Variants in C11orf24 observed in about 807,000 individuals in gnomAD.
C11orf24 encodes chromosome 11 open reading frame 24.
In C11orf24, 5 loss-of-function variants were observed where a neutral mutation model predicts 7.3. The ratio of observed to expected loss-of-function variants is 0.69; its 90% CI spans 0.36 to 1.45. The LOEUF is 1.45. Among genes scored for constraint, C11orf24 ranks in the 40% most tolerant of loss-of-function variants. The pLI is 0.03. For missense variants in C11orf24, 566 were observed against 590.5 expected (o/e 0.96, Z 0.43); for synonymous variants, 233 against 235.7 (o/e 0.99, Z 0.11).
At chr11:68,270,786 C>A (rs781328495) in intron 1 of C11orf24, among the ~76,000 whole-genome samples, 6 of 152,236 alleles carry the variant, frequency 3.9e-5, no homozygotes, top group Middle Eastern at 3.4e-3. Flanking sequence ...GGAGTAGGAA[C>A]TGCAAACACA....
Position 68,262,075 on chromosome 11 carries a change from G to A in C11orf24, c.920C>T (p.Pro307Leu). ...AGGGATTGGGCTGGTGTGAGGTACT[G>A]GCACTGGGCTGGCAGTTGGCTCCCT... is the stretch of plus-strand genomic sequence containing the variant. ...QAREPTASPV[P>L]VPHTSPIPEM... Residue 307 changes from proline to leucine, a missense_variant, in exon 4 of 4, where the codon CCA becomes CTA. Pro to Leu is a moderately conservative substitution (Grantham distance 98). Coordinates refer to ENST00000304271, the MANE Select transcript of C11orf24 (RefSeq NM_022338.4). 3 of 1,614,008 alleles carry A rather than the reference G, an allele frequency of 1.9e-6. No individual in the cohort carries two copies. The highest frequency in any genetic ancestry group is 2.5e-6 in the Non-Finnish European group (3 of 1,180,008).
chr11:68,271,463 G>C (rs532563421), intron 1 of C11orf24, among the ~76,000 whole-genome samples: 163 of 152,222 alleles, frequency 1.1e-3, no homozygotes, highest in Middle Eastern at 3.4e-3. Flanking sequence ...GTCCAGTCCC[G>C]TCCTGGGCTT....
chr11:68,263,871 G>A lies in C11orf24; in HGVS notation c.-99-5C>T. 2.1e-6 allele frequency: 2 copies of A among 942,966 alleles called. No homozygotes were observed. Among genetic ancestry groups the A allele is most frequent in the Non-Finnish European group, 3.2e-6 (2 of 618,756 alleles). 58.4% of individuals were successfully genotyped at this position (942,966 alleles called of 1,614,324 possible). On this transcript the variant is annotated splice_polypyrimidine_tract_variant and splice_region_variant and intron_variant, in intron 2 of 3. Coordinates refer to ENST00000304271, the MANE Select transcript of C11orf24 (RefSeq NM_022338.4). The stretch of plus-strand genomic sequence containing the variant: ...CCTCCTGCTTGGCCAAGGGATCTGT[G>A]GTCAAGAAAGCACGCTGGTCAGAAG...
rs148515526 is a variant in C11orf24, at chr11:68,262,165, G to A, written c.830C>T (p.Pro277Leu). The part of the protein sequence containing the change: ...VNTTNKSTPM[P>L]SNTTPEPAPT... Reference sequence around the variant, plus strand: ...GGCGGGCTCTGGGGTTGTGTTTGAGGGCATGGGTGTGGATTTATTTGTTGT... The same window carrying A: ...GGCGGGCTCTGGGGTTGTGTTTGAGAGCATGGGTGTGGATTTATTTGTTGT... Residue 277 changes from proline to leucine, a missense_variant, in exon 4 of 4, where the codon CCC becomes CTC. Transcript: ENST00000304271. 144 of 1,614,058 alleles carry A rather than the reference G, an allele frequency of 8.9e-5. No individual in the cohort carries two copies. In the African/African-American group the frequency reaches 1.8e-3, roughly 20 times the overall value.
chr11:68,262,990 C>T, intron 3 of C11orf24, 72 bp from the exon 4 acceptor site: 2 of 1,460,058 alleles, frequency 1.4e-6, no homozygotes, highest in East Asian at 2.3e-5. Flanking sequence ...GCTCAGGGAT[C>T]GGCTTCCACC....
Position 68,262,678 on chromosome 11 carries a change from G to C in C11orf24, c.317C>G (p.Ala106Gly). 1 of 1,614,178 alleles carries C rather than the reference G, an allele frequency of 6.2e-7. No individual in the cohort carries two copies. Among genetic ancestry groups the C allele is most frequent in the Non-Finnish European group, 8.5e-7 (1 of 1,180,026 alleles). ...GGAADGVTSI[A>G]PTAVASSTTA... ...CGTACTGGAGGCCACAGCCGTGGGA[G>C]CAATGGAGGTCACACCATCAGCTGC... Residue 106 changes from alanine (A) to glycine (G), a missense_variant, in exon 4 of 4, where the codon GCT becomes GGT. Ala to Gly is a moderately conservative substitution (Grantham distance 60). Transcript: ENST00000304271.
chr11:68,267,174 G>T (rs1424005663), intron 2 of C11orf24: 1 of 152,260 alleles, frequency 6.6e-6, no homozygotes, highest in Admixed American at 6.5e-5. Flanking sequence ...TTCGGCCACA[G>T]TTTGCTAGCC....
At chr11:68,266,359 T>C (rs2098565128) in intron 2 of C11orf24, among the ~76,000 whole-genome samples, 1 of 152,194 alleles carries the variant, frequency 6.6e-6, no homozygotes, top group Non-Finnish European at 1.5e-5. Flanking sequence ...GTAATCCATG[T>C]GGACTGTTGT....
chr11:68,263,764 A>C lies in C11orf24; in HGVS notation c.4T>G (p.Trp2Gly). 6.2e-7 allele frequency: 1 copy of C among 1,612,742 alleles called. No individual in the cohort carries two copies. The highest frequency in any genetic ancestry group is 1.1e-5 in the South Asian group (1 of 90,998). ...ATCCAAATGAGCACAAGAGCTGTCC[A>C]CATCTTGTGGGTGAGCTGGGAGCAA... M[W>G]TALVLIWIFS... The change falls in exon 3 of 4, where the codon TGG (tryptophan) becomes GGG (glycine). Residue 2 changes from tryptophan (W) to glycine (G), a missense_variant. Transcript: ENST00000304271.
At chr11:68,263,634 C>T in intron 3 of C11orf24, 58 bp downstream of exon 3, 4 of 1,514,126 alleles carry the variant, frequency 2.6e-6, no homozygotes, top group Non-Finnish European at 3.7e-6. Context: ...TTCAAGGGCT[C>T]AGCATGCTTT....
At chr11:68,265,932 G>A (rs2098564853) in intron 2 of C11orf24, among the ~76,000 whole-genome samples, 1 of 152,246 alleles carries the variant, frequency 6.6e-6, no homozygotes. Flanking sequence ...CTGGGGCTTT[G>A]GGGTGCTGGG....
At chr11:68,270,705 G>C (rs998565387) in intron 1 of C11orf24, among the ~76,000 whole-genome samples, 1 of 152,062 alleles carries the variant, frequency 6.6e-6, no homozygotes, top group Admixed American at 6.6e-5. Flanking sequence ...CATTCTATCA[G>C]GCTATTAAGA....
Position 68,262,325 on chromosome 11 carries a change from T to C in C11orf24, c.670A>G (p.Ser224Gly), listed in dbSNP as rs1471901369. The change falls in exon 4 of 4, where the codon AGC (serine) becomes GGC (glycine). Residue 224 changes from serine to glycine, a missense_variant. Coordinates refer to ENST00000304271, the MANE Select transcript of C11orf24 (RefSeq NM_022338.4). Reference sequence around the variant, plus strand: ...CTTGGACGAGTGCTCATGGGGCTGCTTGTGTTTGCTGTGGTCGCTACAGTC... The same window carrying C: ...CTTGGACGAGTGCTCATGGGGCTGCCTGTGTTTGCTGTGGTCGCTACAGTC... ...AQTVATTANTSSPMSTRPSPS... is the reference protein window; with the variant it reads ...AQTVATTANTGSPMSTRPSPS... 1.2e-6 allele frequency: 2 copies of C among 1,613,908 alleles called. No homozygotes were observed. The highest frequency in any genetic ancestry group is 1.7e-6 in the Non-Finnish European group (2 of 1,179,810).
chr11:68,262,322 T>C lies in C11orf24; in HGVS notation c.673A>G (p.Ser225Gly). 2 of 1,613,928 alleles carry C rather than the reference T, an allele frequency of 1.2e-6. No individual in the cohort carries two copies. Among genetic ancestry groups the C allele is most frequent in the Non-Finnish European group, 1.7e-6 (2 of 1,179,830 alleles). ...GGACTTGGACGAGTGCTCATGGGGC[T>C]GCTTGTGTTTGCTGTGGTCGCTACA... Reference protein sequence around the residue: ...QTVATTANTSSPMSTRPSPSK... With the variant: ...QTVATTANTSGPMSTRPSPSK... Residue 225 changes from serine to glycine, a missense_variant, in exon 4 of 4, where the codon AGC becomes GGC. Coordinates refer to ENST00000304271, the MANE Select transcript of C11orf24 (RefSeq NM_022338.4).
In C11orf24 at chr11:68,262,457, T is replaced by G; in HGVS notation, c.538A>C (p.Thr180Pro). ...TSTSTGRTPS[T>P]TATGHPSLST... ...AGAGATGGATGCCCAGTGGCGGTAG[T>G]GGACGGGGTCCGCCCTGTGGAAGTG... The change falls in exon 4 of 4, where the codon ACT (threonine) becomes CCT (proline). Residue 180 changes from threonine to proline, a missense_variant. Thr to Pro is a conservative substitution (Grantham distance 38). Transcript: ENST00000304271. 3 of 1,614,044 alleles carry G rather than the reference T, an allele frequency of 1.9e-6. No individual in the cohort carries two copies. The highest frequency in any genetic ancestry group is 2.2e-5 in the South Asian group (2 of 91,090).
At chr11:68,264,662 CATATCCTAT>C (rs2098564040) in intron 2 of C11orf24, among the ~76,000 whole-genome samples, 1 of 5,154 alleles carries the variant, frequency 1.9e-4, no homozygotes, top group Non-Finnish European at 5.2e-4. Context: ...ATCCACCCAC[CATATCCTAT>C]CCATCTGTTC....
intron 2 of C11orf24, among the ~76,000 whole-genome samples, chr11:68,264,531 C>T (rs1295335159): frequency 5.2e-5 from 7 of 134,760 alleles, no homozygotes; most frequent in Admixed American, 7.2e-5. Context: ...CTCATCCATC[C>T]ATCCATCCAT....
intron 2 of C11orf24, among the ~76,000 whole-genome samples, chr11:68,264,529 T>TCCAC: frequency 1.9e-5 from 2 of 103,178 alleles, no homozygotes; most frequent in Admixed American, 9.1e-5. Flanking sequence ...CACTCATCCA[T>TCCAC]CCATCCATCC....
intron 2 of C11orf24, among the ~76,000 whole-genome samples, chr11:68,266,882 G>C (rs2098565442): frequency 1.3e-5 from 2 of 152,156 alleles, no homozygotes. Context: ...AGATGATGTG[G>C]CAGGGGCTTC....
Sources: gnomAD v4.1 joint callset for allele counts (sites outside exome capture counted in the v4.1 genomes callset) on GRCh38, gnomAD v4.1.1 for gene constraint, MANE v1.5 for transcripts, NCBI Gene and HGNC (gene_info 2026-07-23, HGNC 2026-07-21) for gene names.